Variants in CCNY observed in about 807,000 individuals in gnomAD.
The protein encoded by CCNY is cyclin-Y.
CCNY carries 19 observed loss-of-function variants against 42.8 expected under a neutral mutation model. The observed-to-expected ratio is 0.44, with a 90% CI of 0.31 to 0.65. The LOEUF (loss-of-function observed/expected upper bound fraction) is 0.65, where lower values mean the gene tolerates loss of function less well. CCNY is among the 30% of genes least tolerant of loss of function. The pLI, the probability that CCNY is intolerant of heterozygous loss-of-function variation, is 0.07. For synonymous variants in CCNY, 165 were observed against 162.7 expected, an observed-to-expected ratio of 1.01 and a Z score of -0.11; for missense variants, 370 against 437.3, an observed-to-expected ratio of 0.85 and a Z score of 1.37.
intron 3 of CCNY, among the ~76,000 whole-genome samples, chr10:35,317,222 C>T (rs1217035744): frequency 2.0e-5 from 3 of 152,152 alleles, no homozygotes. Context: ...AACTCCTGGG[C>T]TCAAGTGATC....
chr10:35,262,426 T>C (rs1396025251), intron 3 of CCNY, among the ~76,000 whole-genome samples: 2 of 151,654 alleles, frequency 1.3e-5, no homozygotes, highest in East Asian at 3.9e-4. Flanking sequence ...TGGTACAATC[T>C]CAGCTCACTG....
At chr10:35,552,953 CT>C (rs1394882175) in intron 7 of CCNY, 65 bp from the exon 8 acceptor site, 2 of 1,472,010 alleles carry the variant, frequency 1.4e-6, no homozygotes, top group African/African-American at 2.8e-5. Context: ...TTTAGCATTT[CT>C]TGAGGTGTGC....
chr10:35,518,818 G>C (rs1840483035), intron 4 of CCNY, among the ~76,000 whole-genome samples: 1 of 133,204 alleles, frequency 7.5e-6, no homozygotes, highest in African/African-American at 3.2e-5. Context: ...ATTTTTAACA[G>C]ATCTTGATTG....
intron 1 of CCNY, among the ~76,000 whole-genome samples, chr10:35,344,717 C>T (rs1836261585): frequency 1.3e-5 from 2 of 151,844 alleles, no homozygotes; most frequent in South Asian, 4.2e-4. Context: ...TAATGCTATC[C>T]CTCCCCACTC....
At chr10:35,294,960 T>C (rs1835454212) in intron 3 of CCNY, among the ~76,000 whole-genome samples, 1 of 152,108 alleles carries the variant, frequency 6.6e-6, no homozygotes, top group South Asian at 2.1e-4. Context: ...TTGAGCCAGT[T>C]GCAGTAGTTG....
chr10:35,343,881 CAG>C (rs1377750211), intron 1 of CCNY, among the ~76,000 whole-genome samples: 1 of 152,170 alleles, frequency 6.6e-6, no homozygotes, highest in African/African-American at 2.4e-5. Context: ...TTTGAGGAAA[CAG>C]TGCTATTTTT....
intron 1 of CCNY, among the ~76,000 whole-genome samples, chr10:35,456,828 G>T (rs2135322506): frequency 6.6e-6 from 1 of 152,278 alleles, no homozygotes; most frequent in South Asian, 2.1e-4. Flanking sequence ...TATCTTACTT[G>T]CAGATATGCC....
At chr10:35,303,530 C>A (rs1835563494) in intron 3 of CCNY, among the ~76,000 whole-genome samples, 1 of 151,218 alleles carries the variant, frequency 6.6e-6, no homozygotes, top group Non-Finnish European at 1.5e-5. Context: ...GTAATCCCAG[C>A]ACTTTGGGAG....
chr10:35,451,149 A>G (rs1378035827), intron 1 of CCNY, among the ~76,000 whole-genome samples: 1 of 152,230 alleles, frequency 6.6e-6, no homozygotes, highest in Non-Finnish European at 1.5e-5. Context: ...AGAAGGAACT[A>G]CTGATAAGTA....
chr10:35,342,562 A>G (rs1020329631), intron 1 of CCNY, among the ~76,000 whole-genome samples: 3 of 152,064 alleles, frequency 2.0e-5, no homozygotes, highest in Admixed American at 6.6e-5. Flanking sequence ...GCTTCCACAC[A>G]CCCATTTTAC....
At chr10:35,280,410 G>T (rs1366001693) in intron 3 of CCNY, among the ~76,000 whole-genome samples, 1 of 150,384 alleles carries the variant, frequency 6.6e-6, no homozygotes, top group South Asian at 2.1e-4. Flanking sequence ...AGGAAGGAAG[G>T]AAGAAAGGAA....
chr10:35,441,829 T>C (rs777248523), intron 1 of CCNY, among the ~76,000 whole-genome samples: 17 of 152,224 alleles, frequency 1.1e-4, no homozygotes, highest in Non-Finnish European at 2.1e-4. Flanking sequence ...AAGGTGTAGA[T>C]GTCTTTAATA....
Position 35,403,219 on chromosome 10 carries a change from C to T in CCNY, c.154+66012C>T, listed in dbSNP as rs182239923. Among the ~76,000 whole-genome samples, 465 of 152,054 alleles carry T rather than the reference C, an allele frequency of 3.1e-3. 5 individuals carry two copies. The highest frequency in any genetic ancestry group is 0.011 in the African/African-American group (457 of 41,428). On this transcript the variant is annotated intron_variant, in intron 1 of 9. Transcript: ENST00000374704. ...TGATTTCCTTGAGGATAGATTTCCA[C>T]GACGGAAAGGAAATGAGAGGTTCTA...
In CCNY at chr10:35,256,140, T is replaced by C. The variant is rs139073434; in HGVS notation, c.-9+5514T>C. ...GCATATAAGTGGATCAGGTGCTTTATCTATGCTGCTAATCTCTGATTTTTG... is the reference window on the plus strand; with the variant it reads ...GCATATAAGTGGATCAGGTGCTTTACCTATGCTGCTAATCTCTGATTTTTG... On this transcript the variant is annotated intron_variant, in intron 3 of 11. Transcript: ENST00000374706. Among the ~76,000 whole-genome samples the C allele has an allele frequency of 3.3e-3, 497 of 152,324 alleles. 3 individuals carry two copies. The highest frequency in any genetic ancestry group is 0.012 in the African/African-American group (483 of 41,578).
chr10:35,250,193 CAAA>C (rs71523370), intron 2 of CCNY, among the ~76,000 whole-genome samples: 1 of 77,808 alleles, frequency 1.3e-5, no homozygotes, highest in Admixed American at 1.6e-4. Context: ...GACTCCATCT[CAAA>C]AAAAAAAAAA....
At chr10:35,320,408 C>T (rs1048820422) in intron 3 of CCNY, among the ~76,000 whole-genome samples, 9 of 152,164 alleles carry the variant, frequency 5.9e-5, no homozygotes, top group East Asian at 1.9e-4. Context: ...TAACAAAATT[C>T]GCCATCCATT....
intron 1 of CCNY, among the ~76,000 whole-genome samples, chr10:35,443,252 T>C (rs1048575874): frequency 6.6e-6 from 1 of 152,222 alleles, no homozygotes; most frequent in Non-Finnish European, 1.5e-5. Flanking sequence ...AAAATATTTT[T>C]CTTCACTAAT....
rs1311960697 is a variant in CCNY at position 35,572,051 on chromosome 10, C to T, written c.*2881C>T. On this transcript the variant is annotated 3_prime_UTR_variant, in exon 10 of 10. Coordinates refer to ENST00000374704, the MANE Select transcript of CCNY (RefSeq NM_145012.6). ...GGCAGATGAGAAATCCTGCCAAGATCGGGATGTGCCTTCATGCATGAGGTG... is the reference window on the plus strand; with the variant it reads ...GGCAGATGAGAAATCCTGCCAAGATTGGGATGTGCCTTCATGCATGAGGTG... 8 of 151,758 alleles carry T rather than the reference C, an allele frequency of 5.3e-5. No homozygotes were observed. Among genetic ancestry groups the T allele is most frequent in the South Asian group, 4.1e-4 (2 of 4,820 alleles). 9.4% of individuals were successfully genotyped at this position (151,758 alleles called of 1,614,324 possible). A position where few individuals can be genotyped will look rare whatever the true frequency, so the allele number is the denominator to read the frequency against.
At chr10:35,323,644 A>G (rs1238259117) in intron 3 of CCNY, among the ~76,000 whole-genome samples, 1 of 152,226 alleles carries the variant, frequency 6.6e-6, no homozygotes, top group Non-Finnish European at 1.5e-5. Context: ...GACGAGTACC[A>G]GGGAATTTTG....
Sources: allele counts gnomAD v4.1 joint callset (sites outside exome capture counted in the v4.1 genomes callset), GRCh38; gene constraint gnomAD v4.1.1; transcripts MANE v1.5; gene names NCBI Gene and HGNC (gene_info 2026-07-23, HGNC 2026-07-21).